ITGAL: variants seen among roughly 807,000 people sequenced by gnomAD.
ITGAL encodes the protein integrin subunit alpha L.
A neutral mutation model predicts 138.4 loss-of-function variants in ITGAL; 68 were observed. The observed-to-expected ratio is 0.49, with a 90% confidence interval of 0.40 to 0.60. The LOEUF is 0.60. Among genes scored for constraint, ITGAL ranks in the 20% least tolerant of loss-of-function variants. The pLI is 0.00. For missense variants in ITGAL, 1,256 were observed against 1,478.6 expected (o/e 0.85, Z 2.47); for synonymous variants, 561 against 584.3 (o/e 0.96, Z 0.57).
chr16:30,521,679 A>C lies in ITGAL; in HGVS notation c.*14A>C. On this transcript the variant is annotated 3_prime_UTR_variant, in exon 31 of 31. Transcript: ENST00000356798. ...GGCAAGGACTGAGTCCAGGCCTGTG[A>C]GGTGCAGAGTGCCCAGAACTGGACT... 6.2e-7 allele frequency: 1 copy of C among 1,612,172 alleles called. No homozygotes were observed. Among genetic ancestry groups the C allele is most frequent in the South Asian group, 1.1e-5 (1 of 90,974 alleles).
intron 9 of ITGAL, among the ~76,000 whole-genome samples, chr16:30,488,565 C>T (rs1317243303): frequency 6.6e-6 from 1 of 151,664 alleles, no homozygotes; most frequent in Non-Finnish European, 1.5e-5. Context: ...ATTAGCTGGG[C>T]ATGGTGGTGC....
At chr16:30,504,112 A>G (rs943922459) in intron 17 of ITGAL, 63 bp from the exon 18 acceptor site, 2 of 1,230,564 alleles carry the variant, frequency 1.6e-6, no homozygotes, top group African/African-American at 3.0e-5. Flanking sequence ...CAAGGTATAC[A>G]TCTAATCGGA....
Position 30,522,210 on chromosome 16 carries a change from C to T in ITGAL, c.*545C>T. On this transcript the variant is annotated 3_prime_UTR_variant, in exon 31 of 31. Coordinates refer to ENST00000356798, the MANE Select transcript of ITGAL (RefSeq NM_002209.3). This position sits in a 1 kb window ranked among gnomAD's most constrained non-coding sequence, Gnocchi z 4.0. ...CCCTGCAAAATGAGACCCTCGTGGC[C>T]TTCCCCAGCCTCTTCTAGAGCCGTG... 6.5e-6 allele frequency: 1 copy of T among 152,712 alleles called. No homozygotes were observed. The highest frequency in any genetic ancestry group is 3.1e-3 in the Middle Eastern group (1 of 318). The allele number at this position is 152,712 out of a possible 1,614,324, so 9.5% of individuals were successfully genotyped here. A position where few individuals can be genotyped will look rare whatever the true frequency, so the allele number is the denominator to read the frequency against.
At chr16:30,481,669 C>A in intron 7 of ITGAL, 85 bp downstream of exon 7, 1 of 1,283,670 alleles carries the variant, frequency 7.8e-7, no homozygotes, top group Non-Finnish European at 1.1e-6. Context: ...CATGGGAACT[C>A]AGTAGGTAGG....
chr16:30,498,901 AAAAT>A, intron 15 of ITGAL, 169 bp from the exon 16 acceptor site: 11 of 625,348 alleles, frequency 1.8e-5, no homozygotes, highest in Admixed American at 6.0e-5. Context: ...ACCCTCTCTC[AAAAT>A]AAATAAATAA....
At chr16:30,490,227 T>TAAAA (rs71149031) in intron 11 of ITGAL, among the ~76,000 whole-genome samples, 1 of 129,532 alleles carries the variant, frequency 7.7e-6, no homozygotes, top group Non-Finnish European at 1.6e-5. Flanking sequence ...GACTCCGTCT[T>TAAAA]AAAAAAAAAA....
intron 11 of ITGAL, among the ~76,000 whole-genome samples, chr16:30,493,087 A>G (rs970789509): frequency 4.0e-5 from 6 of 151,672 alleles, no homozygotes; most frequent in African/African-American, 1.5e-4. Flanking sequence ...GGGTCTCACT[A>G]TGTTTCCCAG....
Position 30,516,910 on chromosome 16 carries a change from G to A in ITGAL, c.2863-63G>A. On this transcript the variant is annotated intron_variant, in intron 25 of 30. Transcript: ENST00000356798. ...GGAAGAGGCGTGCAAGGGCACACAG[G>A]GTCTGGGGGGCAGCTGGGGTGGCTG... 4 of 1,148,284 alleles carry A rather than the reference G, an allele frequency of 3.5e-6. No individual in the cohort carries two copies. In the South Asian group the frequency reaches 3.7e-5, roughly 11 times the overall value. The allele number at this position is 1,148,284 out of a possible 1,614,324, so 71.1% of individuals were successfully genotyped here. A position where few individuals can be genotyped will look rare whatever the true frequency, so the allele number is the denominator to read the frequency against.
chr16:30,518,561 G>A (rs927948691), intron 28 of ITGAL, 63 bp from the exon 29 acceptor site: 29 of 1,158,734 alleles, frequency 2.5e-5, no homozygotes, highest in Non-Finnish European at 3.8e-5. Flanking sequence ...TGTGGTGGGG[G>A]CAAAAGCCAG....
chr16:30,500,249 C>T (rs1239686100), intron 17 of ITGAL, among the ~76,000 whole-genome samples: 1 of 150,388 alleles, frequency 6.6e-6, no homozygotes, highest in African/African-American at 2.5e-5. Context: ...CCATGCCCAA[C>T]TAATTTTTAT....
rs1567478422 is a variant in ITGAL, at chr16:30,499,715, A to ATATATATATATGTGTG, written c.2145+237_2145+238insGTGTGTATATATATAT. Among the ~76,000 whole-genome samples, 10 of 103,326 alleles carry ATATATATATATGTGTG rather than the reference A, an allele frequency of 9.7e-5. No individual in the cohort carries two copies. In the East Asian group the frequency reaches 2.5e-3, roughly 26 times the overall value. The allele number at this position is 103,326 out of a possible 152,430, so 67.8% of individuals were successfully genotyped here. On this transcript the variant is annotated intron_variant, in intron 17 of 30. Transcript: ENST00000356798. ...TATATATGTGTATATATATATATGT[A>ATATATATATATGTGTG]TATATATATATATATATATTTTTTT...
chr16:30,500,056 TATTA>T lies in ITGAL; in HGVS notation c.2145+568_2145+571del, dbSNP rs765131869. ...GAGCCATCGCTCCTGGCCTATTTTA[TATTA>T]TTTATTTATTTATTTATTTATTTAT... On this transcript the variant is annotated intron_variant, in intron 17 of 30. Coordinates refer to ENST00000356798, the MANE Select transcript of ITGAL (RefSeq NM_002209.3). 4.8e-5 allele frequency among the ~76,000 whole-genome samples: 6 copies of T among 125,194 alleles called. No homozygotes were observed. In the East Asian group the frequency reaches 1.4e-3, roughly 30 times the overall value. 82.1% of individuals were successfully genotyped at this position (125,194 alleles called of 152,430 possible).
rs552654119 is a variant in ITGAL at position 30,483,558 on chromosome 16, T to C, written c.723-269T>C. Among the ~76,000 whole-genome samples the C allele has an allele frequency of 3.9e-5, 6 of 152,300 alleles. No individual in the cohort carries two copies. In the South Asian group the frequency reaches 1.2e-3, roughly 32 times the overall value. ...ATGGAGGGTAGGAAGCCCAGAGTCA[T>C]TCCTCACAAAACCTCCTCCTCCTGT... On this transcript the variant is annotated intron_variant, in intron 7 of 30. Coordinates refer to ENST00000356798, the MANE Select transcript of ITGAL (RefSeq NM_002209.3).
intron 7 of ITGAL, among the ~76,000 whole-genome samples, chr16:30,482,298 A>T (rs942491403): frequency 2.0e-5 from 3 of 152,278 alleles, no homozygotes; most frequent in East Asian, 1.9e-4. Context: ...AAAATAAATT[A>T]AAAAAGAAGA....
chr16:30,518,679 A>G lies in ITGAL; in HGVS notation c.3188A>G (p.Lys1063Arg), dbSNP rs2051207687. 3.1e-6 allele frequency: 5 copies of G among 1,613,932 alleles called. No individual in the cohort carries two copies. The highest frequency in any genetic ancestry group is 4.5e-5 in the East Asian group (2 of 44,876). ...SSLSISFNSS[K>R]HFHLYGSNAS... is the part of the protein sequence containing the mutation. ...CTCTCCATCTCCTTCAACAGCAGCA[A>G]GCATTTCCACCTCTATGGCAGCAAC... The change falls in exon 29 of 31, where the codon AAG (lysine) becomes AGG (arginine). Residue 1063 changes from lysine to arginine, a missense_variant. By Grantham distance (26) the Lys-to-Arg change is conservative. This residue lies in a region of ITGAL where 867 missense variants were observed against 972.5 expected (regional missense o/e 0.89). Coordinates refer to ENST00000356798, the MANE Select transcript of ITGAL (RefSeq NM_002209.3).
intron 1 of ITGAL, 83 bp from the exon 2 acceptor site, chr16:30,474,113 G>T (rs1485870409): frequency 2.0e-6 from 2 of 1,016,616 alleles, no homozygotes; most frequent in Admixed American, 4.0e-5. Flanking sequence ...CGACATCCGG[G>T]TGGGCCTGGG....
Position 30,489,103 on chromosome 16 carries a change from C to A in ITGAL, c.1028C>A (p.Thr343Asn). The change falls in exon 10 of 31, where the codon ACT (threonine) becomes AAT (asparagine). Residue 343 changes from threonine (T) to asparagine (N), a missense_variant. This residue lies in a region of ITGAL where 177 missense variants were observed against 288.8 expected (regional missense o/e 0.61). Transcript: ENST00000356798. Reference protein sequence around the residue: ...VIEGTSKQDLTSFNMELSSSG... With the variant: ...VIEGTSKQDLNSFNMELSSSG... ...CCAGGCACAAGCAAACAGGACCTGA[C>A]TTCCTTCAACATGGAGCTGTCCTCC... 6.2e-7 allele frequency: 1 copy of A among 1,613,868 alleles called. No homozygotes were observed. The highest frequency in any genetic ancestry group is 8.5e-7 in the Non-Finnish European group (1 of 1,180,036).
chr16:30,481,586 T>C lies in ITGAL; in HGVS notation c.722+2T>C. The C allele has an allele frequency of 6.2e-7, 1 of 1,613,544 alleles. No individual in the cohort carries two copies. Among genetic ancestry groups the C allele is most frequent in the Non-Finnish European group, 8.5e-7 (1 of 1,179,820 alleles). Reference sequence around the variant, plus strand: ...CTTTGGTGCCATCAATTATGTCGCGTGAGTTCCCTTTTGCAGGAGAGCACG... The same window carrying C: ...CTTTGGTGCCATCAATTATGTCGCGCGAGTTCCCTTTTGCAGGAGAGCACG... On this transcript the variant is annotated splice_donor_variant, in intron 7 of 30. Transcript: ENST00000356798. LOFTEE classifies it high-confidence loss of function.
intron 11 of ITGAL, among the ~76,000 whole-genome samples, chr16:30,493,438 A>C (rs2050754239): frequency 6.6e-6 from 1 of 151,768 alleles, no homozygotes; most frequent in South Asian, 2.1e-4. Flanking sequence ...CACCACGTCC[A>C]GCTAATTTTT....
Sources: allele counts gnomAD v4.1 joint callset (sites outside exome capture counted in the v4.1 genomes callset), GRCh38; gene constraint gnomAD v4.1.1; regional missense constraint gnomAD v4.1.1; non-coding constraint Gnocchi (gnomAD v3.1); transcripts MANE v1.5; gene names NCBI Gene and HGNC (gene_info 2026-07-23, HGNC 2026-07-21).